The following VAV3 variants were observed in gnomAD, a reference collection of about 807,000 sequenced individuals.
VAV3 encodes guanine nucleotide exchange factor VAV3.
VAV3 carries 94 observed loss-of-function variants against 131.2 expected under a neutral mutation model. The ratio of observed to expected loss-of-function variants is 0.72; its 90% confidence interval spans 0.61 to 0.85. The LOEUF is 0.85. VAV3 is among the 40% of genes least tolerant of loss of function. The pLI is 0.00. For synonymous variants in VAV3, 349 were observed against 342.0 expected, an observed-to-expected ratio of 1.02 and a Z score of -0.22; for missense variants, 939 against 1,002.7, an observed-to-expected ratio of 0.94 and a Z score of 0.86.
chr1:107,926,239 CCACTG>C (rs1266400041), intron 1 of VAV3, among the ~76,000 whole-genome samples: 1 of 151,956 alleles, frequency 6.6e-6, no homozygotes, highest in Non-Finnish European at 1.5e-5. Context: ...CAAGATCGTG[CCACTG>C]CACTCCAGTC....
chr1:107,734,285 G>A lies in VAV3; in HGVS notation c.1502+14683C>T, dbSNP rs549518064. Among the ~76,000 whole-genome samples the A allele has an allele frequency of 4.6e-5, 7 of 152,276 alleles. No homozygotes were observed. In the South Asian group the frequency reaches 1.5e-3, roughly 32 times the overall value. On this transcript the variant is annotated intron_variant, in intron 15 of 26. Coordinates refer to ENST00000370056, the MANE Select transcript of VAV3 (RefSeq NM_006113.5). Reference sequence around the variant, plus strand: ...CAAATTGTAAAGACCAGCAATGCTAGGAAGACACTCCACCAACTAACGGGC... The same window carrying A: ...CAAATTGTAAAGACCAGCAATGCTAAGAAGACACTCCACCAACTAACGGGC...
intron 1 of VAV3, among the ~76,000 whole-genome samples, chr1:107,893,519 T>C (rs1002313481): frequency 3.9e-5 from 6 of 152,138 alleles, no homozygotes; most frequent in African/African-American, 7.2e-5. Context: ...GGAGGCCTCA[T>C]AATCATGGCG....
At chr1:107,850,169 C>T (rs1371705393) in intron 2 of VAV3, among the ~76,000 whole-genome samples, 1 of 152,144 alleles carries the variant, frequency 6.6e-6, no homozygotes, top group Non-Finnish European at 1.5e-5. Context: ...GTGGCAATTC[C>T]TCAAGGATCT....
chr1:107,772,645 A>G, intron 5 of VAV3, 90 bp downstream of exon 5: 1 of 1,126,852 alleles, frequency 8.9e-7, no homozygotes, highest in Non-Finnish European at 1.3e-6. Flanking sequence ...GTTAAAAAAA[A>G]TCCCAGCAGA....
intron 15 of VAV3, among the ~76,000 whole-genome samples, chr1:107,726,228 A>C (rs1013943765): frequency 6.6e-6 from 1 of 152,204 alleles, no homozygotes; most frequent in African/African-American, 2.4e-5. Flanking sequence ...CATACAGATA[A>C]ATCAATCAAC....
intron 17 of VAV3, among the ~76,000 whole-genome samples, chr1:107,700,272 A>T (rs1660020883): frequency 2.3e-5 from 1 of 43,086 alleles, no homozygotes; most frequent in Admixed American, 1.9e-4. Flanking sequence ...ATGAGCAATA[A>T]GCATTTTTTA....
chr1:107,920,513 G>A (rs1333651500), intron 1 of VAV3, among the ~76,000 whole-genome samples: 1 of 152,132 alleles, frequency 6.6e-6, no homozygotes, highest in Non-Finnish European at 1.5e-5. Context: ...ATGAAATGAT[G>A]ATATCTCACA....
At chr1:107,634,684 C>G (rs1443767179) in intron 20 of VAV3, among the ~76,000 whole-genome samples, 1 of 150,708 alleles carries the variant, frequency 6.6e-6, no homozygotes, top group East Asian at 2.0e-4. Flanking sequence ...AGTGAACAGG[C>G]AACCTACAAC....
intron 1 of VAV3, among the ~76,000 whole-genome samples, chr1:107,891,256 C>T (rs1160098368): frequency 3.9e-5 from 6 of 152,154 alleles, no homozygotes; most frequent in East Asian, 1.9e-4. Flanking sequence ...CTGTGTCAAG[C>T]CTTGCATGGC....
intron 2 of VAV3, among the ~76,000 whole-genome samples, chr1:107,856,392 T>C (rs2100971628): frequency 6.6e-6 from 1 of 152,310 alleles, no homozygotes; most frequent in Admixed American, 6.5e-5. Flanking sequence ...ACATAGCAAT[T>C]TTCTGATTTG....
At chr1:107,637,242 C>T (rs1028593709) in intron 20 of VAV3, among the ~76,000 whole-genome samples, 4 of 152,054 alleles carry the variant, frequency 2.6e-5, no homozygotes, top group African/African-American at 7.2e-5. Flanking sequence ...TGGACAAATT[C>T]CTTGAAAACC....
chr1:107,771,879 T>C (rs980397813), intron 5 of VAV3, among the ~76,000 whole-genome samples: 4 of 152,220 alleles, frequency 2.6e-5, no homozygotes, highest in Non-Finnish European at 4.4e-5. Context: ...ACAGATGGGC[T>C]GTCAGCCTAT....
chr1:107,857,856 G>A (rs1436395840), intron 2 of VAV3, among the ~76,000 whole-genome samples: 3 of 152,220 alleles, frequency 2.0e-5, no homozygotes, highest in East Asian at 1.9e-4. Flanking sequence ...GCTGGAGTTC[G>A]AGAGAGAAAA....
At chr1:107,712,890 T>G (rs767234706) in intron 15 of VAV3, among the ~76,000 whole-genome samples, 1 of 152,200 alleles carries the variant, frequency 6.6e-6, no homozygotes, top group Non-Finnish European at 1.5e-5. Context: ...TATGACCTTG[T>G]CGGTGTATTA....
intron 20 of VAV3, among the ~76,000 whole-genome samples, chr1:107,633,919 C>T (rs1179736437): frequency 6.6e-6 from 1 of 152,066 alleles, no homozygotes; most frequent in Admixed American, 6.6e-5. Context: ...GCTCCCACCA[C>T]CCCAACCATC....
At chr1:107,869,088 A>C (rs993724856) in intron 2 of VAV3, among the ~76,000 whole-genome samples, 7 of 152,082 alleles carry the variant, frequency 4.6e-5, no homozygotes, top group African/African-American at 1.7e-4. Flanking sequence ...GAAAAATAAA[A>C]CTACCCTTGC....
At chr1:107,638,208 T>C (rs1167628425) in intron 20 of VAV3, among the ~76,000 whole-genome samples, 1 of 152,146 alleles carries the variant, frequency 6.6e-6, no homozygotes, top group Non-Finnish European at 1.5e-5. Flanking sequence ...ATTCTAGCCA[T>C]TGCTACAAGT....
chr1:107,576,230 C>G (rs551977413), intron 25 of VAV3, among the ~76,000 whole-genome samples: 2 of 151,934 alleles, frequency 1.3e-5, no homozygotes, highest in East Asian at 3.9e-4. Flanking sequence ...TCATGATGAA[C>G]GGTGACTATG....
In VAV3 at chr1:107,819,456, T is replaced by C. The variant is rs1667698198; in HGVS notation, c.322-39964A>G. ...GGAGGCTGAAGGTGGGAGAATTGCC[T>C]TGGGCCAGGAGTTCAAGACCAGCCT... On this transcript the variant is annotated intron_variant, in intron 2 of 26. Coordinates refer to ENST00000370056, the MANE Select transcript of VAV3 (RefSeq NM_006113.5). 2.0e-5 allele frequency among the ~76,000 whole-genome samples: 3 copies of C among 151,724 alleles called. No individual in the cohort carries two copies. The South Asian group carries it at 6.3e-4, about 32-fold the overall frequency.
Sources: allele counts gnomAD v4.1 joint callset (sites outside exome capture counted in the v4.1 genomes callset), GRCh38; gene constraint gnomAD v4.1.1; transcripts MANE v1.5; gene names NCBI Gene and HGNC (gene_info 2026-07-23, HGNC 2026-07-21).